PAX7: variants seen among roughly 807,000 people sequenced by gnomAD.
PAX7 encodes the protein paired box protein Pax-7.
PAX7 carries 18 observed loss-of-function variants against 50.7 expected under a neutral mutation model. That is an observed-to-expected ratio of 0.36 (90% CI 0.25 to 0.53). The LOEUF (loss-of-function observed/expected upper bound fraction) is 0.53. PAX7 is among the 20% of genes least tolerant of loss of function. The pLI is 0.93. For missense variants in PAX7, 644 were observed against 702.9 expected (o/e 0.92, Z 0.95); for synonymous variants, 310 against 290.4 (o/e 1.07, Z -0.69).
At chr1:18,699,995 G>A (rs1488521479) in intron 5 of PAX7, among the ~76,000 whole-genome samples, 1 of 152,072 alleles carries the variant, frequency 6.6e-6, no homozygotes, top group Non-Finnish European at 1.5e-5. Context: ...ATGGGTCTAT[G>A]TATGGATTGA....
At chr1:18,718,485 G>A (rs903523189) in intron 7 of PAX7, among the ~76,000 whole-genome samples, 2 of 152,150 alleles carry the variant, frequency 1.3e-5, no homozygotes, top group Non-Finnish European at 2.9e-5. Context: ...GTGCAAGGCA[G>A]CCGGTCCCAG....
chr1:18,707,480 C>T (rs939260049), intron 7 of PAX7, among the ~76,000 whole-genome samples: 14 of 137,758 alleles, frequency 1.0e-4, no homozygotes, highest in Non-Finnish European at 1.7e-4. Flanking sequence ...AGTGCAGTGG[C>T]GCGATCTCAG....
At chr1:18,712,248 C>T (rs567027171) in intron 7 of PAX7, among the ~76,000 whole-genome samples, 19 of 152,318 alleles carry the variant, frequency 1.2e-4, no homozygotes, top group African/African-American at 4.1e-4. Flanking sequence ...CAAGACCCTG[C>T]TCTCACATCC....
At chr1:18,652,646 A>G (rs1208722473) in intron 4 of PAX7, among the ~76,000 whole-genome samples, 1 of 152,216 alleles carries the variant, frequency 6.6e-6, no homozygotes, top group African/African-American at 2.4e-5. Flanking sequence ...AGCTGACTGC[A>G]TATGTGTTAA....
Position 18,700,914 on chromosome 1 carries a change from T to C in PAX7, c.952+96T>C. On this transcript the variant is annotated intron_variant, in intron 6 of 8. Transcript: ENST00000420770. This position sits in a 1 kb window ranked among gnomAD's most constrained non-coding sequence, Gnocchi z 4.8. ...AGGCTCTTCTTTTTTTTATGACCAT[T>C]TCTTACTTTCATGTAAGCAGGCTAT... The C allele has an allele frequency of 8.5e-7, 1 of 1,172,386 alleles. No individual in the cohort carries two copies. The highest frequency in any genetic ancestry group is 1.1e-6 in the Non-Finnish European group (1 of 881,760). The allele number at this position is 1,172,386 out of a possible 1,614,324, so 72.6% of individuals were successfully genotyped here. A position where few individuals can be genotyped will look rare whatever the true frequency, so the allele number is the denominator to read the frequency against.
intron 4 of PAX7, among the ~76,000 whole-genome samples, chr1:18,690,706 C>T (rs55914178): frequency 0.11 from 17,049 of 152,280 alleles, 1,085 homozygotes; most frequent in Non-Finnish European, 0.14. Context: ...CCCCCAGTCT[C>T]CATGGTGGAA....
rs147211565 is a variant in PAX7 at position 18,689,236 on chromosome 1, G to A, written c.587-2518G>A. ...TCTGAAGCCCCAAGGGCTGGCTTCC[G>A]TTGTCACCGTCAGAACACTGAGGTT... On this transcript the variant is annotated intron_variant, in intron 4 of 8. Transcript: ENST00000420770. 1.2e-3 allele frequency among the ~76,000 whole-genome samples: 189 copies of A among 152,344 alleles called. 1 individual carries two copies. Among genetic ancestry groups the A allele is most frequent in the Middle Eastern group, 6.8e-3 (2 of 294 alleles).
At position 18,631,573 on chromosome 1, in the gene PAX7, G is replaced by A. The variant is rs748303474; in HGVS notation, c.-31G>A. On this transcript the variant is annotated 5_prime_UTR_variant, in exon 1 of 9. Coordinates refer to ENST00000420770, the MANE Select transcript of PAX7 (RefSeq NM_001135254.2). ...GAGCGGACGGGAAGCGATTTTTGCC[G>A]ACTTTGGATTCGTCCCCGGCGTGCG... The A allele has an allele frequency of 2.8e-5, 45 of 1,597,796 alleles. No homozygotes were observed. The highest frequency in any genetic ancestry group is 1.1e-4 in the South Asian group (10 of 88,834).
At position 18,632,950 on chromosome 1, in the gene PAX7, TG is replaced by T. The variant is rs1312336098; in HGVS notation, c.85+1263del. Among the ~76,000 whole-genome samples, 1 of 152,196 alleles carries T rather than the reference TG, an allele frequency of 6.6e-6. No individual in the cohort carries two copies. The highest frequency in any genetic ancestry group is 2.4e-5 in the African/African-American group (1 of 41,454). ...ACGCGCGGCGGATTAGAACAATATTTGCCCAACATGACGCAGAATACTGAGG... is the reference window on the plus strand; with the variant it reads ...ACGCGCGGCGGATTAGAACAATATTTCCCAACATGACGCAGAATACTGAGG... On this transcript the variant is annotated intron_variant, in intron 1 of 8. Coordinates refer to ENST00000420770, the MANE Select transcript of PAX7 (RefSeq NM_001135254.2). This position sits in a 1 kb window ranked among gnomAD's most constrained non-coding sequence, Gnocchi z 6.3.
In PAX7 at chr1:18,745,441, C is replaced by T. The variant is rs2100423170; in HGVS notation, c.*512C>T. The T allele has an allele frequency of 4.3e-6, 1 of 234,528 alleles. No homozygotes were observed. The highest frequency in any genetic ancestry group is 2.2e-5 in the African/African-American group (1 of 45,358). The allele number at this position is 234,528 out of a possible 1,614,324, so 14.5% of individuals were successfully genotyped here. A position where few individuals can be genotyped will look rare whatever the true frequency, so the allele number is the denominator to read the frequency against. ...AACCACAGCCCTTTCCTCCTCTAGA[C>T]ATTGGGACTCCAGCAAAGAGGGGAC... On this transcript the variant is annotated 3_prime_UTR_variant, in exon 9 of 9. Coordinates refer to ENST00000420770, the MANE Select transcript of PAX7 (RefSeq NM_001135254.2).
In PAX7 at chr1:18,700,065, G is replaced by A. The variant is rs1404136419; in HGVS notation, c.787-588G>A. On this transcript the variant is annotated intron_variant, in intron 5 of 8. Coordinates refer to ENST00000420770, the MANE Select transcript of PAX7 (RefSeq NM_001135254.2). The surrounding 1 kb of genome is among the most constrained non-coding windows in gnomAD (Gnocchi z 4.8). ...AATGTTGGGTTATTATCCCACTAAT[G>A]TTTGATAAATCCGTGTGTGTGTGTG... Among the ~76,000 whole-genome samples, 1 of 147,470 alleles carries A rather than the reference G, an allele frequency of 6.8e-6. No individual in the cohort carries two copies. The highest frequency in any genetic ancestry group is 2.6e-5 in the African/African-American group (1 of 39,080).
intron 7 of PAX7, among the ~76,000 whole-genome samples, chr1:18,719,680 A>G (rs963043873): frequency 3.9e-5 from 6 of 152,214 alleles, no homozygotes; most frequent in Non-Finnish European, 8.8e-5. Context: ...TTGGGCATAG[A>G]TAATGACCTC....
chr1:18,645,448 G>A lies in PAX7; in HGVS notation c.586+9077G>A, dbSNP rs78026179. Among the ~76,000 whole-genome samples, 215 of 152,314 alleles carry A rather than the reference G, an allele frequency of 1.4e-3. 1 individual carries two copies. The East Asian group carries it at 0.018, about 13-fold the overall frequency. ...GAAAACTCCACCCTAAACTTTTCTG[G>A]GTCCTTTCCATGGGACCCAGACCCT... On this transcript the variant is annotated intron_variant, in intron 4 of 8. Transcript: ENST00000420770.
In PAX7 at chr1:18,634,499, G is replaced by A. The variant is rs1321168698; in HGVS notation, c.282G>A (p.Gly94=). Residue 94 remains glycine, a synonymous_variant, in exon 2 of 9, where the codon GGG becomes GGA. Transcript: ENST00000420770. This position sits in a 1 kb window ranked among gnomAD's most constrained non-coding sequence, Gnocchi z 4.0. ...SKILCRYQET[G]SIRPGAIGGS... ...TTCTTTGCCGCTACCAGGAGACCGGGTCCATCCGGCCTGGGGCCATCGGCG... is the reference window on the plus strand; with the variant it reads ...TTCTTTGCCGCTACCAGGAGACCGGATCCATCCGGCCTGGGGCCATCGGCG... The A allele has an allele frequency of 1.2e-6, 2 of 1,614,094 alleles. No homozygotes were observed. The highest frequency in any genetic ancestry group is 2.2e-5 in the East Asian group (1 of 44,886).
At chr1:18,681,962 T>C (rs2088908010) in intron 4 of PAX7, among the ~76,000 whole-genome samples, 1 of 152,128 alleles carries the variant, frequency 6.6e-6, no homozygotes, top group African/African-American at 2.4e-5. Flanking sequence ...GGTCTCGAAC[T>C]CCTGACCTCA....
At chr1:18,717,239 C>G (rs1353961714) in intron 7 of PAX7, among the ~76,000 whole-genome samples, 6 of 152,286 alleles carry the variant, frequency 3.9e-5, no homozygotes, top group African/African-American at 1.2e-4. Context: ...GCCTGGCCGC[C>G]CCCCGGACTG....
chr1:18,729,012 G>A (rs72943132), intron 7 of PAX7, among the ~76,000 whole-genome samples: 1,991 of 152,298 alleles, frequency 0.013, 45 homozygotes, highest in African/African-American at 0.044. Context: ...GACAGGATCT[G>A]CCTGGAGGCA....
At chr1:18,732,216 T>C (rs2089654933) in intron 7 of PAX7, among the ~76,000 whole-genome samples, 1 of 152,238 alleles carries the variant, frequency 6.6e-6, no homozygotes, top group Non-Finnish European at 1.5e-5. Flanking sequence ...ATATTATTTG[T>C]TCACTTGTTT....
Position 18,635,127 on chromosome 1 carries a change from A to G in PAX7, c.338A>G (p.Asp113Gly). The G allele has an allele frequency of 6.2e-7, 1 of 1,613,654 alleles. No homozygotes were observed. The highest frequency in any genetic ancestry group is 8.5e-7 in the Non-Finnish European group (1 of 1,179,762). ...CCTCTGAAGCAGGTGGCGACTCCGGATGTAGAGAAAAAGATTGAGGAGTAC... is the reference window on the plus strand; with the variant it reads ...CCTCTGAAGCAGGTGGCGACTCCGGGTGTAGAGAAAAAGATTGAGGAGTAC... ...GSKPRQVATP[D>G]VEKKIEEYKR... The change falls in exon 3 of 9, where the codon GAT (aspartate) becomes GGT (glycine). Residue 113 changes from aspartate (D) to glycine (G), a missense_variant. Asp to Gly is a moderately conservative substitution (Grantham distance 94). Transcript: ENST00000420770.
Sources: gnomAD v4.1 joint callset for allele counts (sites outside exome capture counted in the v4.1 genomes callset) on GRCh38, gnomAD v4.1.1 for gene constraint, Gnocchi (gnomAD v3.1) non-coding constraint, MANE v1.5 for transcripts, NCBI Gene and HGNC (gene_info 2026-07-23, HGNC 2026-07-21) for gene names.